Variants in ANKS1B observed in about 807,000 individuals in gnomAD.
The protein encoded by ANKS1B is ankyrin repeat and sterile alpha motif domain-containing protein 1B.
ANKS1B carries 36 observed loss-of-function variants against 148.3 expected under a neutral mutation model. That is an observed-to-expected ratio of 0.24 (90% CI 0.19 to 0.32). The LOEUF is 0.32. Ranked by LOEUF, ANKS1B falls within the 10% of genes least tolerant of loss-of-function variation. The probability of loss-of-function intolerance (pLI) is 1.00; values close to 1 mark genes in which losing one functional copy is unlikely to be tolerated. For missense variants in ANKS1B, 1,157 were observed against 1,542.6 expected (o/e 0.75, Z 4.19); for synonymous variants, 542 against 560.8 (o/e 0.97, Z 0.47).
At chr12:99,744,892 T>G (rs977513841) in intron 8 of ANKS1B, among the ~76,000 whole-genome samples, 2 of 145,526 alleles carry the variant, frequency 1.4e-5, no homozygotes, top group Non-Finnish European at 3.0e-5. Flanking sequence ...CTCAGGAGGC[T>G]GAGGCAGGAG....
At chr12:99,476,089 A>G (rs909513038) in intron 10 of ANKS1B, among the ~76,000 whole-genome samples, 1 of 152,158 alleles carries the variant, frequency 6.6e-6, no homozygotes, top group African/African-American at 2.4e-5. Context: ...AGATTGATAT[A>G]TTTCATTACA....
intron 17 of ANKS1B, among the ~76,000 whole-genome samples, chr12:98,848,369 CATTA>C (rs2099495218): frequency 1.3e-5 from 2 of 152,056 alleles, no homozygotes; most frequent in African/African-American, 2.4e-5. Context: ...TGTGGCATGT[CATTA>C]ATTAATAAAC....
At chr12:99,260,719 GA>G (rs1566758399) in intron 12 of ANKS1B, among the ~76,000 whole-genome samples, 1 of 152,076 alleles carries the variant, frequency 6.6e-6, no homozygotes. Flanking sequence ...TCAGAGAGAA[GA>G]AAAAAATATG....
chr12:99,399,304 C>A (rs1420399517), intron 12 of ANKS1B, among the ~76,000 whole-genome samples: 1 of 152,112 alleles, frequency 6.6e-6, no homozygotes, highest in Non-Finnish European at 1.5e-5. Context: ...CAAAGCATCT[C>A]TTAATAAAGT....
At chr12:99,072,638 C>T (rs970113011) in intron 16 of ANKS1B, among the ~76,000 whole-genome samples, 6 of 152,116 alleles carry the variant, frequency 3.9e-5, no homozygotes, top group African/African-American at 9.7e-5. Flanking sequence ...TGAAGTACAG[C>T]GTTTAGACAA....
chr12:98,783,497 C>G (rs567648794), intron 22 of ANKS1B, among the ~76,000 whole-genome samples: 135 of 152,304 alleles, frequency 8.9e-4, no homozygotes, highest in African/African-American at 3.0e-3. Flanking sequence ...ATATGAACAA[C>G]ATGCCTCCAG....
chr12:99,304,023 A>AT (rs2154022125), intron 12 of ANKS1B, among the ~76,000 whole-genome samples: 1 of 152,142 alleles, frequency 6.6e-6, no homozygotes, highest in Non-Finnish European at 1.5e-5. Context: ...GCTGATGGGT[A>AT]TTTAGGTTGG....
intron 14 of ANKS1B, among the ~76,000 whole-genome samples, chr12:99,166,624 T>C (rs1208097078): frequency 6.6e-6 from 1 of 151,998 alleles, no homozygotes; most frequent in East Asian, 1.9e-4. Flanking sequence ...CCTAAATAAA[T>C]GGAAAGATAT....
At chr12:98,913,005 G>A (rs767830560) in intron 17 of ANKS1B, among the ~76,000 whole-genome samples, 10 of 152,132 alleles carry the variant, frequency 6.6e-5, no homozygotes, top group Non-Finnish European at 1.3e-4. Context: ...GACAGGACAT[G>A]TGCTTTTTAT....
Position 99,504,514 on chromosome 12 carries a change from C to T in ANKS1B, c.1400G>A (p.Cys467Tyr). The T allele has an allele frequency of 6.2e-7, 1 of 1,612,340 alleles. No individual in the cohort carries two copies. Among genetic ancestry groups the T allele is most frequent in the Non-Finnish European group, 8.5e-7 (1 of 1,179,382 alleles). The change falls in exon 10 of 27, where the codon TGC becomes TAC. Residue 467 changes from cysteine to tyrosine, a missense_variant. Around this residue, in one of 6 missense-constraint regions of ANKS1B, gnomAD observed 661 missense variants for 642.1 expected, o/e 1.03. Transcript: ENST00000683438. ...AGGTGCCCTTGCAATTTCTAAGGAG[C>T]AAGGTTTCTTTGTAACAGCTGTGTC... ...LMDTAVTKKP[C>Y]SLEIARAPSP...
intron 1 of ANKS1B, among the ~76,000 whole-genome samples, chr12:99,914,218 A>G (rs529353416): frequency 6.6e-6 from 1 of 152,324 alleles, no homozygotes; most frequent in African/African-American, 2.4e-5. Context: ...GACCTTCAGA[A>G]TGAGATTCTG....
intron 1 of ANKS1B, among the ~76,000 whole-genome samples, chr12:99,884,415 G>A (rs2092713913): frequency 1.3e-5 from 2 of 152,110 alleles, no homozygotes; most frequent in South Asian, 4.1e-4. Context: ...TTGCCTAAAA[G>A]GAATGAGTAT....
intron 12 of ANKS1B, among the ~76,000 whole-genome samples, chr12:99,330,592 G>C (rs1258239272): frequency 6.6e-6 from 1 of 151,998 alleles, no homozygotes; most frequent in Non-Finnish European, 1.5e-5. Context: ...AGGTGGGAAG[G>C]GGTCAATTTT....
At chr12:99,251,022 G>C (rs756815713) in intron 12 of ANKS1B, among the ~76,000 whole-genome samples, 3 of 152,014 alleles carry the variant, frequency 2.0e-5, no homozygotes, top group Non-Finnish European at 4.4e-5. Context: ...ATCTTGCCTG[G>C]GTCCTCACAT....
chr12:99,499,491 T>C (rs75044655), intron 10 of ANKS1B, among the ~76,000 whole-genome samples: 1 of 152,202 alleles, frequency 6.6e-6, no homozygotes, highest in African/African-American at 2.4e-5. Context: ...AATGTGACTT[T>C]AGTTAACACT....
At position 99,724,496 on chromosome 12, in the gene ANKS1B, T is replaced by C. The variant is rs184678542; in HGVS notation, c.1128+48426A>G. 2.2e-3 allele frequency among the ~76,000 whole-genome samples: 330 copies of C among 152,120 alleles called. 1 individual carries two copies. The highest frequency in any genetic ancestry group is 3.5e-3 in the African/African-American group (146 of 41,508). On this transcript the variant is annotated intron_variant, in intron 8 of 26. Transcript: ENST00000683438. ...GAATGAACAAAACCTCCAAGAAATATAGGATTATGTAAAAAGACCGAACCT... is the reference window on the plus strand; with the variant it reads ...GAATGAACAAAACCTCCAAGAAATACAGGATTATGTAAAAAGACCGAACCT...
At chr12:99,951,696 AAGACCTTGCCTC>A (rs1358540184) in intron 1 of ANKS1B, among the ~76,000 whole-genome samples, 1 of 148,998 alleles carries the variant, frequency 6.7e-6, no homozygotes, top group Non-Finnish European at 1.5e-5. Flanking sequence ...GCAACATAGC[AAGACCTTGCCTC>A]TACCGAAAAA....
intron 9 of ANKS1B, among the ~76,000 whole-genome samples, chr12:99,594,793 C>T (rs948468794): frequency 1.3e-5 from 2 of 151,864 alleles, no homozygotes; most frequent in Admixed American, 6.6e-5. Flanking sequence ...TAGAAATCTG[C>T]AGTACAAATA....
At chr12:99,206,376 A>C (rs546458136) in intron 14 of ANKS1B, among the ~76,000 whole-genome samples, 12 of 152,288 alleles carry the variant, frequency 7.9e-5, no homozygotes, top group Admixed American at 3.9e-4. Context: ...ATTATATAGC[A>C]TGTTTCAGAT....
Sources: gnomAD v4.1 joint callset for allele counts (sites outside exome capture counted in the v4.1 genomes callset) on GRCh38, gnomAD v4.1.1 for gene constraint, gnomAD v4.1.1 regional missense constraint, MANE v1.5 for transcripts, NCBI Gene and HGNC (gene_info 2026-07-23, HGNC 2026-07-21) for gene names.